Variants in NLGN4X observed in about 807,000 individuals in gnomAD.
The protein encoded by NLGN4X is neuroligin 4 X-linked, also known as neuroligin-4, X-linked.
NLGN4X carries 3 observed loss-of-function variants against 40.3 expected under a neutral mutation model. The observed-to-expected ratio is 0.07, with a 90% CI of 0.03 to 0.19. NLGN4X has a LOEUF of 0.19. Ranked by LOEUF, NLGN4X falls within the 10% of genes least tolerant of loss-of-function variation. NLGN4X has a pLI of 1.00. For synonymous variants in NLGN4X, 270 were observed against 306.8 expected (o/e 0.88, Z 1.25); for missense variants, 382 against 708.3 (o/e 0.54, Z 5.23).
intron 3 of NLGN4X, among the ~76,000 whole-genome samples, chrX:5,987,353 G>T (rs1280263436): frequency 2.7e-5 from 3 of 112,638 alleles, no homozygotes; most frequent in African/African-American, 9.7e-5. Context: ...GGGAATAATG[G>T]TTATCACGGA....
intron 3 of NLGN4X, among the ~76,000 whole-genome samples, chrX:5,919,353 C>T (rs985628912): frequency 5.4e-5 from 6 of 111,718 alleles, no homozygotes; most frequent in Admixed American, 4.8e-4. Flanking sequence ...ACACTGAGCT[C>T]ACTTAGATAC....
chrX:6,107,444 GT>G (rs1434099818), intron 2 of NLGN4X, among the ~76,000 whole-genome samples: 16 of 111,680 alleles, frequency 1.4e-4, no homozygotes, highest in Non-Finnish European at 2.1e-4. Flanking sequence ...TTTTCACCGG[GT>G]AAAGGTGGTC....
rs529460309 is a variant in NLGN4X at position 6,153,682 on chromosome X, G to A, written c.-305-1911C>T. Reference sequence around the variant, plus strand: ...AGCTCAATAAATGTAGAATTCAGTGGGTGGACTTCTTCCAAGGTATATAAA... The same window carrying A: ...AGCTCAATAAATGTAGAATTCAGTGAGTGGACTTCTTCCAAGGTATATAAA... On this transcript the variant is annotated intron_variant, in intron 1 of 5. Transcript: ENST00000381095. Among the ~76,000 whole-genome samples the A allele has an allele frequency of 7.1e-5, 8 of 112,087 alleles. No homozygotes were observed. In the South Asian group the frequency reaches 2.2e-3, roughly 31 times the overall value.
At position 6,151,251 on chromosome X, in the gene NLGN4X, C is replaced by G; in HGVS notation, c.216G>C (p.Gln72His). Residue 72 changes from glutamine to histidine, a missense_variant, in exon 2 of 6, where the codon CAG (glutamine) becomes CAC (histidine). By Grantham distance (24) the Gln-to-His change is conservative (BLOSUM62 0). This residue lies in a region of NLGN4X where 115 missense variants were observed against 149.6 expected (regional missense o/e 0.77). Coordinates refer to ENST00000381095, the MANE Select transcript of NLGN4X (RefSeq NM_181332.3). ...GTGAGGCATAGGGGACCCCTAAGTA[C>G]TGCTCCACTGGACCCAAGATCTCAT... ...LPNEILGPVE[Q>H]YLGVPYASPP... The G allele has an allele frequency of 8.3e-7, 1 of 1,211,617 alleles. No individual in the cohort carries two copies. The highest frequency in any genetic ancestry group is 1.8e-5 in the South Asian group (1 of 56,968).
intron 2 of NLGN4X, among the ~76,000 whole-genome samples, chrX:6,046,864 C>T (rs867883157): frequency 2.7e-5 from 2 of 74,828 alleles, no homozygotes; most frequent in Admixed American, 1.4e-4. Flanking sequence ...TATATATATA[C>T]ACATGTCTGT....
intron 2 of NLGN4X, among the ~76,000 whole-genome samples, chrX:6,118,440 C>CA (rs1190230984): frequency 8.9e-6 from 1 of 111,766 alleles, no homozygotes; most frequent in Non-Finnish European, 1.9e-5. Context: ...CATGGCAACG[C>CA]AATTCTTCCA....
At chrX:5,982,131 C>T (rs1292971912) in intron 3 of NLGN4X, among the ~76,000 whole-genome samples, 2 of 111,960 alleles carry the variant, frequency 1.8e-5, no homozygotes, top group Admixed American at 9.5e-5. Flanking sequence ...ATACATTTCC[C>T]AAGGAACACT....
chrX:6,167,019 C>T (rs151036221), intron 1 of NLGN4X, among the ~76,000 whole-genome samples: 2,843 of 101,749 alleles, frequency 0.028, 116 homozygotes, highest in African/African-American at 0.098. Flanking sequence ...TTGGTGTGAG[C>T]CATGATCGCA....
At chrX:6,142,516 G>C (rs2039969265) in intron 2 of NLGN4X, among the ~76,000 whole-genome samples, 1 of 112,451 alleles carries the variant, frequency 8.9e-6, no homozygotes, top group Non-Finnish European at 1.9e-5. Flanking sequence ...CCAACTGACA[G>C]ATGAAAACTG....
At chrX:6,049,796 A>C (rs927894709) in intron 2 of NLGN4X, among the ~76,000 whole-genome samples, 3 of 106,571 alleles carry the variant, frequency 2.8e-5, no homozygotes, top group African/African-American at 1.1e-4. Flanking sequence ...ATGCCAAGTA[A>C]ATTTTTTAAA....
At position 6,156,631 on chromosome X, in the gene NLGN4X, A is replaced by G. The variant is rs185343819; in HGVS notation, c.-305-4860T>C. ...GCAGAAACAGAAAATCAAATACCACATGTTCTCACTTAGAAGTGGGAGCTA... is the reference window on the plus strand; with the variant it reads ...GCAGAAACAGAAAATCAAATACCACGTGTTCTCACTTAGAAGTGGGAGCTA... On this transcript the variant is annotated intron_variant, in intron 1 of 5. Transcript: ENST00000381095. Among the ~76,000 whole-genome samples the G allele has an allele frequency of 2.8e-4, 31 of 112,132 alleles. No homozygotes were observed. In the East Asian group the frequency reaches 5.9e-3, roughly 21 times the overall value.
At chrX:6,133,982 T>C (rs775802577) in intron 2 of NLGN4X, among the ~76,000 whole-genome samples, 1 of 111,745 alleles carries the variant, frequency 8.9e-6, no homozygotes, top group South Asian at 3.8e-4. Context: ...AAGGGCTTAT[T>C]TGTGTTCCAT....
chrX:6,092,308 C>T (rs1338817609), intron 2 of NLGN4X, among the ~76,000 whole-genome samples: 1 of 112,199 alleles, frequency 8.9e-6, no homozygotes, highest in Non-Finnish European at 1.9e-5. Context: ...CCTTATGTAA[C>T]ACACCCATAG....
intron 3 of NLGN4X, among the ~76,000 whole-genome samples, chrX:5,921,681 T>C (rs6638577): frequency 3.6e-5 from 4 of 111,747 alleles, no homozygotes; most frequent in East Asian, 2.8e-4. Flanking sequence ...ACTCCTCCGC[T>C]GACTTCCAAA....
intron 2 of NLGN4X, among the ~76,000 whole-genome samples, chrX:6,083,542 A>C (rs1258537951): frequency 8.9e-6 from 1 of 112,265 alleles, no homozygotes; most frequent in African/African-American, 3.2e-5. Flanking sequence ...TAGTAGCTTG[A>C]AGGTAGGAGG....
At chrX:6,071,928 G>A in intron 2 of NLGN4X, among the ~76,000 whole-genome samples, 1 of 110,993 alleles carries the variant, frequency 9.0e-6, no homozygotes, top group Non-Finnish European at 1.9e-5. Flanking sequence ...TACGACTACA[G>A]GTGTCAGCCA....
At chrX:6,072,678 A>C (rs747486764) in intron 2 of NLGN4X, among the ~76,000 whole-genome samples, 1 of 111,409 alleles carries the variant, frequency 9.0e-6, no homozygotes, top group East Asian at 2.8e-4. Context: ...TACGGAGTCC[A>C]CCTCTGGGAT....
intron 3 of NLGN4X, among the ~76,000 whole-genome samples, chrX:5,921,391 C>CAGAGAGAGAGAGAG (rs56879029): frequency 0.016 from 860 of 52,991 alleles, 27 homozygotes; most frequent in Non-Finnish European, 0.021. Flanking sequence ...GAAAATGAAC[C>CAGAGAGAGAGAGAG]AGAGAGAGAG....
At chrX:5,921,140 T>A (rs1013814082) in intron 3 of NLGN4X, among the ~76,000 whole-genome samples, 3 of 46,516 alleles carry the variant, frequency 6.4e-5, no homozygotes, top group African/African-American at 1.4e-4. Flanking sequence ...TTTTTATATA[T>A]ATATATACAT....
Sources: gnomAD v4.1 joint callset for allele counts (sites outside exome capture counted in the v4.1 genomes callset) on GRCh38, gnomAD v4.1.1 for gene constraint, gnomAD v4.1.1 regional missense constraint, MANE v1.5 for transcripts, NCBI Gene and HGNC (gene_info 2026-07-23, HGNC 2026-07-21) for gene names.